SERPINI1: variants seen among roughly 807,000 people sequenced by gnomAD.
SERPINI1 encodes the protein neuroserpin.
In SERPINI1, 19 loss-of-function variants were observed where a neutral mutation model predicts 41.1. The observed-to-expected ratio is 0.46, with a 90% CI of 0.32 to 0.68. The LOEUF (loss-of-function observed/expected upper bound fraction) is 0.68, where lower values mean the gene tolerates loss of function less well. SERPINI1 is among the 30% of genes least tolerant of loss of function. SERPINI1 has a pLI of 0.03. For synonymous variants in SERPINI1, 138 were observed against 156.6 expected (o/e 0.88, Z 0.89); for missense variants, 460 against 479.2 (o/e 0.96, Z 0.37).
intron 3 of SERPINI1, 97 bp downstream of exon 3, chr3:167,790,699 GT>G: frequency 1.1e-6 from 1 of 907,910 alleles, no homozygotes; most frequent in East Asian, 2.6e-5. Context: ...CATTTTGAAT[GT>G]TTGAGAGCAT....
intron 1 of SERPINI1, among the ~76,000 whole-genome samples, chr3:167,787,447 G>T (rs1362984527): frequency 6.6e-6 from 1 of 152,198 alleles, no homozygotes; most frequent in African/African-American, 2.4e-5. Context: ...CACGAGTAAA[G>T]CTTCTGCCTT....
At chr3:167,771,728 C>T (rs1560001991) in intron 1 of SERPINI1, among the ~76,000 whole-genome samples, 1 of 152,182 alleles carries the variant, frequency 6.6e-6, no homozygotes, top group African/African-American at 2.4e-5. Flanking sequence ...TTATTTGGCA[C>T]AAGTAGGACC....
At chr3:167,738,105 G>A (rs1360538356) in intron 1 of SERPINI1, among the ~76,000 whole-genome samples, 1 of 152,024 alleles carries the variant, frequency 6.6e-6, no homozygotes, top group Non-Finnish European at 1.5e-5. Context: ...TGTTGAAAAC[G>A]TTCGTTATAT....
rs1727407938 is a variant in SERPINI1 at position 167,789,093 on chromosome 3, T to C, written c.-18-18T>C. The C allele has an allele frequency of 6.2e-7, 1 of 1,609,176 alleles. No individual in the cohort carries two copies. On this transcript the variant is annotated intron_variant, in intron 1 of 8. Transcript: ENST00000446050. ...ATAGAGATAACTAATAATTAATATGTAAATTGTTGTTTTTTAGGCTTGAAA... is the reference window on the plus strand; with the variant it reads ...ATAGAGATAACTAATAATTAATATGCAAATTGTTGTTTTTTAGGCTTGAAA...
At chr3:167,813,115 G>A (rs1711948026) in intron 6 of SERPINI1, among the ~76,000 whole-genome samples, 1 of 152,166 alleles carries the variant, frequency 6.6e-6, no homozygotes, top group South Asian at 2.1e-4. Context: ...GATTTATGCT[G>A]GACCTACTCT....
At position 167,747,697 on chromosome 3, in the gene SERPINI1, T is replaced by A. The variant is rs1725905988; in HGVS notation, c.-19+11874T>A. 2.0e-5 allele frequency among the ~76,000 whole-genome samples: 3 copies of A among 152,196 alleles called. No homozygotes were observed. The South Asian group carries it at 6.2e-4, about 31-fold the overall frequency. ...AGATTATACACCTTAAAAGGGTACA[T>A]TTTATGATATGCGAACTATATTTTA... On this transcript the variant is annotated intron_variant, in intron 1 of 8. Transcript: ENST00000446050.
chr3:167,806,893 G>C (rs1711664784), intron 5 of SERPINI1, among the ~76,000 whole-genome samples: 2 of 151,852 alleles, frequency 1.3e-5, no homozygotes, highest in Admixed American at 6.6e-5. Context: ...TAGGTCAAAG[G>C]ATTTTGAAAG....
At chr3:167,771,230 G>C (rs1412768235) in intron 1 of SERPINI1, among the ~76,000 whole-genome samples, 1 of 152,074 alleles carries the variant, frequency 6.6e-6, no homozygotes, top group Admixed American at 6.5e-5. Flanking sequence ...GAAATTACTT[G>C]TTGTGGCATT....
intron 1 of SERPINI1, among the ~76,000 whole-genome samples, chr3:167,741,267 A>T (rs1438421954): frequency 6.6e-6 from 1 of 152,206 alleles, no homozygotes; most frequent in Non-Finnish European, 1.5e-5. Context: ...TTCATTTAAT[A>T]ACCTTATTTT....
intron 1 of SERPINI1, among the ~76,000 whole-genome samples, chr3:167,740,145 A>G (rs1318277576): frequency 2.0e-5 from 3 of 151,300 alleles, no homozygotes; most frequent in African/African-American, 7.3e-5. Flanking sequence ...CACTCCTCAC[A>G]CCGCAGACTC....
rs546010442 is a variant in SERPINI1, at chr3:167,764,399, CAGAG to C, written c.-18-24703_-18-24700del. Among the ~76,000 whole-genome samples the C allele has an allele frequency of 4.2e-3, 638 of 151,998 alleles. 6 individuals carry two copies. The highest frequency in any genetic ancestry group is 0.015 in the African/African-American group (623 of 41,482). On this transcript the variant is annotated intron_variant, in intron 1 of 8. Coordinates refer to ENST00000446050, the MANE Select transcript of SERPINI1 (RefSeq NM_001122752.2). ...CATATCTTACATGGATGGCAGCAGG[CAGAG>C]AGAGAGAGCTTGTGCAGGGGAACTC...
intron 3 of SERPINI1, among the ~76,000 whole-genome samples, 178 bp from the exon 4 acceptor site, chr3:167,792,412 G>A (rs13080783): frequency 1.3e-5 from 2 of 151,662 alleles, no homozygotes; most frequent in African/African-American, 4.8e-5. Context: ...TAGTGTGTGT[G>A]TATGTGTGTG....
At chr3:167,789,487 T>C in intron 2 of SERPINI1, 109 bp downstream of exon 2, 1 of 1,325,164 alleles carries the variant, frequency 7.5e-7, no homozygotes, top group South Asian at 1.2e-5. Flanking sequence ...TAAAAAACAA[T>C]CTCATTGAAA....
intron 1 of SERPINI1, among the ~76,000 whole-genome samples, chr3:167,747,601 GC>G (rs1048736548): frequency 1.1e-4 from 16 of 152,220 alleles, no homozygotes; most frequent in African/African-American, 3.4e-4. Context: ...CCGAGATCTT[GC>G]CACTGCACTC....
chr3:167,742,462 G>T (rs1375650346), intron 1 of SERPINI1, among the ~76,000 whole-genome samples: 1 of 152,180 alleles, frequency 6.6e-6, no homozygotes, highest in Non-Finnish European at 1.5e-5. Context: ...TCTTGTGCTT[G>T]CTGTAAGACA....
chr3:167,776,671 A>G (rs1218490873), intron 1 of SERPINI1, among the ~76,000 whole-genome samples: 2 of 152,246 alleles, frequency 1.3e-5, no homozygotes, highest in Non-Finnish European at 2.9e-5. Context: ...CTGTGTCTGC[A>G]CTGTTTAATG....
At chr3:167,754,007 T>C (rs1273431923) in intron 1 of SERPINI1, among the ~76,000 whole-genome samples, 5 of 152,230 alleles carry the variant, frequency 3.3e-5, no homozygotes, top group African/African-American at 1.2e-4. Flanking sequence ...AGTAGATTTC[T>C]TATTCTCCAA....
rs143952417 is a variant in SERPINI1 at position 167,776,321 on chromosome 3, A to G, written c.-18-12790A>G. On this transcript the variant is annotated intron_variant, in intron 1 of 8. Coordinates refer to ENST00000446050, the MANE Select transcript of SERPINI1 (RefSeq NM_001122752.2). Reference sequence around the variant, plus strand: ...AGTACAAATTCTCCCCAATTATGCCAAAGAGAATTATTCATTACATTTTAT... The same window carrying G: ...AGTACAAATTCTCCCCAATTATGCCGAAGAGAATTATTCATTACATTTTAT... Among the ~76,000 whole-genome samples, 487 of 152,354 alleles carry G rather than the reference A, an allele frequency of 3.2e-3. 2 individuals carry two copies. Among genetic ancestry groups the G allele is most frequent in the African/African-American group, 0.011 (470 of 41,580 alleles).
chr3:167,738,660 T>C (rs973108931), intron 1 of SERPINI1, among the ~76,000 whole-genome samples: 9 of 151,894 alleles, frequency 5.9e-5, no homozygotes, highest in East Asian at 1.9e-4. Flanking sequence ...CTAAGTAAAA[T>C]TGAATATTCA....
Sources: allele counts gnomAD v4.1 joint callset (sites outside exome capture counted in the v4.1 genomes callset), GRCh38; gene constraint gnomAD v4.1.1; transcripts MANE v1.5; gene names NCBI Gene and HGNC (gene_info 2026-07-23, HGNC 2026-07-21).